The following ADARB1 variants were observed in gnomAD, a reference collection of about 807,000 sequenced individuals.
ADARB1 encodes double-stranded RNA-specific editase 1.
ADARB1 carries 10 observed loss-of-function variants against 52.4 expected under a neutral mutation model. The observed-to-expected ratio is 0.19, with a 90% CI of 0.12 to 0.32. ADARB1 has a LOEUF of 0.32. Ranked by LOEUF, ADARB1 falls within the 10% of genes least tolerant of loss-of-function variation. ADARB1 has a pLI of 1.00. For synonymous variants in ADARB1, 349 were observed against 371.1 expected (o/e 0.94, Z 0.68); for missense variants, 643 against 922.3 (o/e 0.70, Z 3.92).
At chr21:45,199,639 T>C (rs2146317121) in intron 8 of ADARB1, among the ~76,000 whole-genome samples, 1 of 152,354 alleles carries the variant, frequency 6.6e-6, no homozygotes, top group Non-Finnish European at 1.5e-5. Flanking sequence ...TGCAGGGTTC[T>C]TCAGTAAGGC....
intron 1 of ADARB1, among the ~76,000 whole-genome samples, chr21:45,122,566 G>T (rs1374126653): frequency 6.6e-6 from 1 of 152,226 alleles, no homozygotes; most frequent in East Asian, 1.9e-4. Context: ...CCCAGAGAAA[G>T]CTCTGGAAAG....
intron 1 of ADARB1, among the ~76,000 whole-genome samples, chr21:45,085,194 GT>G (rs1235362566): frequency 1.3e-5 from 2 of 152,182 alleles, no homozygotes; most frequent in Non-Finnish European, 2.9e-5. Context: ...GTGAGGTTTC[GT>G]GTTGGTTCAT....
At chr21:45,169,165 A>C (rs1439789439) in intron 2 of ADARB1, among the ~76,000 whole-genome samples, 1 of 151,996 alleles carries the variant, frequency 6.6e-6, no homozygotes, top group Non-Finnish European at 1.5e-5. Flanking sequence ...GTCTCTCATG[A>C]CTCTGCACTG....
intron 1 of ADARB1, among the ~76,000 whole-genome samples, chr21:45,123,464 T>G (rs391834): frequency 0.86 from 130,878 of 152,158 alleles, 56,489 homozygotes; most frequent in Non-Finnish European, 0.9. Flanking sequence ...CCACCACTCC[T>G]GGCTAATTTT....
rs2090183653 is a variant in ADARB1 at position 45,149,666 on chromosome 21, T to C, written c.-48+21093T>C. ...CAGAGGCCACTCATGTTTGAATGAG[T>C]AACAGGATCAAGACATGATTTATCA... On this transcript the variant is annotated intron_variant, in intron 2 of 10. Coordinates refer to ENST00000348831, the MANE Select transcript of ADARB1 (RefSeq NM_001112.4). Among the ~76,000 whole-genome samples, 3 of 152,362 alleles carry C rather than the reference T, an allele frequency of 2.0e-5. No homozygotes were observed. In the South Asian group the frequency reaches 6.2e-4, roughly 32 times the overall value.
At chr21:45,146,677 T>C (rs1317190592) in intron 2 of ADARB1, among the ~76,000 whole-genome samples, 1 of 152,210 alleles carries the variant, frequency 6.6e-6, no homozygotes, top group Non-Finnish European at 1.5e-5. Context: ...GTTGGACTTT[T>C]GAAAACGTGA....
chr21:45,146,337 A>G (rs571963179), intron 2 of ADARB1: 1 of 152,384 alleles, frequency 6.6e-6, no homozygotes, highest in East Asian at 1.9e-4. Flanking sequence ...AAGAGTTACA[A>G]TGGAGATGGG....
At chr21:45,218,166 C>T (rs946820387) in intron 9 of ADARB1, among the ~76,000 whole-genome samples, 30 of 152,276 alleles carry the variant, frequency 2.0e-4, no homozygotes, top group African/African-American at 6.7e-4. Context: ...CTCTCCTCAC[C>T]GTCATGAAAT....
intron 1 of ADARB1, among the ~76,000 whole-genome samples, chr21:45,087,563 TA>T (rs2086396063): frequency 6.6e-6 from 1 of 151,392 alleles, no homozygotes; most frequent in African/African-American, 2.4e-5. Flanking sequence ...TGCCAGGTCA[TA>T]GGTGGGGTGC....
Position 45,221,634 on chromosome 21 carries a change from CAGA to C in ADARB1, c.1927-381_1927-379del, listed in dbSNP as rs550817563. Among the ~76,000 whole-genome samples the C allele has an allele frequency of 5.9e-5, 9 of 152,322 alleles. No individual in the cohort carries two copies. Among genetic ancestry groups the C allele is most frequent in the Admixed American group, 5.9e-4 (9 of 15,310 alleles). ...AGCTGCCACAAGTCCAAGGTCCACA[CAGA>C]AGGAGTTACTGGCCGCATGAGGGAA... On this transcript the variant is annotated intron_variant, in intron 10 of 10. Coordinates refer to ENST00000348831, the MANE Select transcript of ADARB1 (RefSeq NM_001112.4). The surrounding 1 kb of genome is among the most constrained non-coding windows in gnomAD (Gnocchi z 4.9).
intron 1 of ADARB1, among the ~76,000 whole-genome samples, chr21:45,121,116 A>G (rs548965405): frequency 6.6e-6 from 1 of 152,308 alleles, no homozygotes; most frequent in East Asian, 1.9e-4. Flanking sequence ...CCGAGATTAT[A>G]CTGGGCTCGT....
Position 45,110,463 on chromosome 21 carries a change from GT to G in ADARB1, c.-219-17938del, listed in dbSNP as rs534567113. Among the ~76,000 whole-genome samples, 36 of 152,344 alleles carry G rather than the reference GT, an allele frequency of 2.4e-4. No homozygotes were observed. The South Asian group carries it at 7.5e-3, about 32-fold the overall frequency. On this transcript the variant is annotated intron_variant, in intron 1 of 10. Transcript: ENST00000348831. ...TTGTCAAAGAGCCAGTGAGGCGGGG[GT>G]GTGGAGAATTTGTTTGCCCTTTGTT...
At chr21:45,165,956 G>A (rs1407310892) in intron 2 of ADARB1, among the ~76,000 whole-genome samples, 1 of 151,878 alleles carries the variant, frequency 6.6e-6, no homozygotes, top group East Asian at 1.9e-4. Context: ...AGTAATATAT[G>A]TTAGTAATTT....
chr21:45,113,083 T>C (rs2838786), intron 1 of ADARB1, among the ~76,000 whole-genome samples: 10,182 of 152,222 alleles, frequency 0.067, 401 homozygotes, highest in East Asian at 0.15. Flanking sequence ...TTGCACGCCT[T>C]TCCTAGGGAT....
chr21:45,125,044 G>C lies in ADARB1; in HGVS notation c.-219-3358G>C, dbSNP rs562034045. On this transcript the variant is annotated intron_variant, in intron 1 of 10. Coordinates refer to ENST00000348831, the MANE Select transcript of ADARB1 (RefSeq NM_001112.4). The stretch of plus-strand genomic sequence containing the variant: ...ACTCCTGGGCTCAAGTGATCCACCT[G>C]CCTCAGCCTCCCAGAGTGCTGGGAT... Among the ~76,000 whole-genome samples the C allele has an allele frequency of 1.2e-4, 18 of 152,178 alleles. No homozygotes were observed. In the South Asian group the frequency reaches 3.7e-3, roughly 32 times the overall value.
chr21:45,224,754 G>A lies in ADARB1; in HGVS notation c.*2557G>A, dbSNP rs142256239. ...GGGCGGCTGTGGGGAGGAAGGTGACGTGCAGGGGACCAGAGGCTCTGCACT... is the reference window on the plus strand; with the variant it reads ...GGGCGGCTGTGGGGAGGAAGGTGACATGCAGGGGACCAGAGGCTCTGCACT... On this transcript the variant is annotated 3_prime_UTR_variant, in exon 11 of 11. Coordinates refer to ENST00000348831, the MANE Select transcript of ADARB1 (RefSeq NM_001112.4). 5.5e-3 allele frequency: 5,152 copies of A among 939,806 alleles called. 16 individuals are homozygous for A. The highest frequency in any genetic ancestry group is 0.012 in the Admixed American group (126 of 10,646). The allele number at this position is 939,806 out of a possible 1,614,324, so 58.2% of individuals were successfully genotyped here. A position where few individuals can be genotyped will look rare whatever the true frequency, so the allele number is the denominator to read the frequency against.
chr21:45,148,992 A>C (rs1228988430), intron 2 of ADARB1, among the ~76,000 whole-genome samples: 1 of 152,156 alleles, frequency 6.6e-6, no homozygotes, highest in Non-Finnish European at 1.5e-5. Context: ...GCTGGATGCA[A>C]ACCTGCTGAG....
chr21:45,146,533 C>T (rs577043356), intron 2 of ADARB1, among the ~76,000 whole-genome samples: 1 of 152,166 alleles, frequency 6.6e-6, no homozygotes, highest in Non-Finnish European at 1.5e-5. Context: ...AGTGGCTTGG[C>T]GTCTTGGCCA....
intron 2 of ADARB1, among the ~76,000 whole-genome samples, chr21:45,169,020 A>C (rs2091371806): frequency 6.6e-6 from 1 of 152,212 alleles, no homozygotes; most frequent in African/African-American, 2.4e-5. Flanking sequence ...GGATAAGTCC[A>C]AGTTCCCCAC....
Sources: gnomAD v4.1 joint callset for allele counts (sites outside exome capture counted in the v4.1 genomes callset) on GRCh38, gnomAD v4.1.1 for gene constraint, Gnocchi (gnomAD v3.1) non-coding constraint, MANE v1.5 for transcripts, NCBI Gene and HGNC (gene_info 2026-07-23, HGNC 2026-07-21) for gene names.